The following AXDND1 variants were observed in gnomAD, a reference collection of about 807,000 sequenced individuals.
AXDND1 encodes the protein axonemal dynein light chain domain containing 1.
In AXDND1, 110 loss-of-function variants were observed where a neutral mutation model predicts 137.5. The ratio of observed to expected loss-of-function variants is 0.80; its 90% CI spans 0.69 to 0.94. The LOEUF is 0.94. AXDND1 is among the 40% of genes least tolerant of loss of function. AXDND1 has a pLI of 0.00. For synonymous variants in AXDND1, 414 were observed against 399.7 expected, an observed-to-expected ratio of 1.04 and a Z score of -0.43; for missense variants, 1,191 against 1,169.8, an observed-to-expected ratio of 1.02 and a Z score of -0.26.
intron 12 of AXDND1, among the ~76,000 whole-genome samples, chr1:179,413,109 T>A (rs896227793): frequency 6.6e-6 from 1 of 152,114 alleles, no homozygotes; most frequent in Non-Finnish European, 1.5e-5. Flanking sequence ...ACAATTGATA[T>A]ACAAAAAAAA....
intron 23 of AXDND1, 106 bp from the exon 24 acceptor site, chr1:179,533,689 G>A (rs1260939421): frequency 1.3e-6 from 1 of 757,668 alleles, no homozygotes; most frequent in Non-Finnish European, 2.2e-6. Flanking sequence ...GATATGGGTA[G>A]TAGACAAAGA....
At chr1:179,476,553 TC>T (rs2125513433) in intron 17 of AXDND1, among the ~76,000 whole-genome samples, 1 of 105,552 alleles carries the variant, frequency 9.5e-6, no homozygotes, top group Admixed American at 1.1e-4. Flanking sequence ...AACAAATTCT[TC>T]GGTTTTTTTT....
At chr1:179,506,494 G>A (rs1428959946) in intron 20 of AXDND1, among the ~76,000 whole-genome samples, 2 of 152,264 alleles carry the variant, frequency 1.3e-5, no homozygotes, top group South Asian at 2.1e-4. Flanking sequence ...GACTTTGCGA[G>A]GCTGAGGCAA....
chr1:179,542,136 A>T (rs1227536180), intron 25 of AXDND1, among the ~76,000 whole-genome samples: 3 of 152,094 alleles, frequency 2.0e-5, no homozygotes, highest in African/African-American at 7.2e-5. Context: ...TTATAGGGAG[A>T]GGAATTTAAT....
In AXDND1 at chr1:179,551,212, C is replaced by T. The variant is rs751795698; in HGVS notation, c.3032-3300C>T. ...AGTCTTTCTTTTTAGGATTTAGTGG[C>T]TCAACAGGTTTGGAAGGACTTGGGA... On this transcript the variant is annotated intron_variant, in intron 25 of 25. Transcript: ENST00000367618. 85 of 1,613,984 alleles carry T rather than the reference C, an allele frequency of 5.3e-5. No homozygotes were observed. Among genetic ancestry groups the T allele is most frequent in the Non-Finnish European group, 6.9e-5 (82 of 1,180,026 alleles).
chr1:179,541,075 A>G (rs1478062426), intron 25 of AXDND1, among the ~76,000 whole-genome samples: 1 of 152,216 alleles, frequency 6.6e-6, no homozygotes, highest in Non-Finnish European at 1.5e-5. Flanking sequence ...CCCTAGCAGC[A>G]AGAATTTCAA....
At chr1:179,554,396 T>G (rs1051435410) in intron 25 of AXDND1, 116 bp from the exon 26 acceptor site, 1 of 1,572,834 alleles carries the variant, frequency 6.4e-7, no homozygotes, top group East Asian at 2.2e-5. Context: ...GTGAAAATAA[T>G]TTTTCAAATG....
chr1:179,514,820 C>G (rs1310014736), intron 21 of AXDND1, among the ~76,000 whole-genome samples: 1 of 152,082 alleles, frequency 6.6e-6, no homozygotes, highest in Non-Finnish European at 1.5e-5. Context: ...ATATAATGTC[C>G]CTCTTTGTCT....
At position 179,444,956 on chromosome 1, in the gene AXDND1, C is replaced by A. The variant is rs1364755003; in HGVS notation, c.1564-14C>A. ...GGATAATATGCTACTCTCCCTCTTCCTTTCACTCTTTAGATCCTGAATGAG... is the reference window on the plus strand; with the variant it reads ...GGATAATATGCTACTCTCCCTCTTCATTTCACTCTTTAGATCCTGAATGAG... On this transcript the variant is annotated splice_polypyrimidine_tract_variant and intron_variant, in intron 15 of 25. Transcript: ENST00000367618. The A allele has an allele frequency of 6.4e-7, 1 of 1,556,416 alleles. No individual in the cohort carries two copies. The highest frequency in any genetic ancestry group is 8.8e-7 in the Non-Finnish European group (1 of 1,130,106).
chr1:179,511,818 G>A (rs945990847), intron 21 of AXDND1, among the ~76,000 whole-genome samples: 1 of 152,010 alleles, frequency 6.6e-6, no homozygotes, highest in Non-Finnish European at 1.5e-5. Context: ...CATTAGTGAG[G>A]CTGAGCTTTT....
intron 25 of AXDND1, chr1:179,551,066 C>T: frequency 7.1e-7 from 1 of 1,407,302 alleles, no homozygotes; most frequent in South Asian, 1.2e-5. Context: ...ATGGCCATTC[C>T]ATATGGCAAC....
chr1:179,401,424 C>T lies in AXDND1; in HGVS notation c.1109+6222C>T, dbSNP rs114191320. On this transcript the variant is annotated intron_variant, in intron 11 of 25. Transcript: ENST00000367618. ...ACACACATTACATCTTGTTTTATAT[C>T]TCTTTTAATACAGCCTATTCCTGTG... 8.7e-3 allele frequency among the ~76,000 whole-genome samples: 1,322 copies of T among 152,214 alleles called. 14 individuals are homozygous for T. The highest frequency in any genetic ancestry group is 0.014 in the Non-Finnish European group (982 of 68,016).
chr1:179,532,333 T>C (rs1671113822), intron 23 of AXDND1, among the ~76,000 whole-genome samples: 1 of 152,216 alleles, frequency 6.6e-6, no homozygotes, highest in Non-Finnish European at 1.5e-5. Flanking sequence ...ATTCTACTGA[T>C]AGTTTTAGTT....
chr1:179,548,243 A>G (rs1467669265), intron 25 of AXDND1, among the ~76,000 whole-genome samples: 1 of 152,238 alleles, frequency 6.6e-6, no homozygotes, highest in Non-Finnish European at 1.5e-5. Context: ...TAAAACCAGA[A>G]TAATAGTAAT....
At chr1:179,550,473 A>G (rs3767841) in intron 25 of AXDND1, 42,565 of 151,764 alleles carry the variant, frequency 0.28, 6,301 homozygotes, top group East Asian at 0.49. Context: ...TTTAAGCCAC[A>G]TGTGTCAGAT....
intron 12 of AXDND1, among the ~76,000 whole-genome samples, chr1:179,411,549 A>G (rs1388572483): frequency 6.6e-6 from 1 of 152,142 alleles, no homozygotes; most frequent in African/African-American, 2.4e-5. Context: ...AGACTCAAAA[A>G]AATGAGGATG....
At chr1:179,437,067 C>G (rs1329970089) in intron 15 of AXDND1, among the ~76,000 whole-genome samples, 1 of 111,736 alleles carries the variant, frequency 8.9e-6, no homozygotes, top group Admixed American at 9.9e-5. Flanking sequence ...GAGACACTCA[C>G]TGAAAAAAAA....
At chr1:179,488,069 A>G (rs1572046529) in intron 18 of AXDND1, among the ~76,000 whole-genome samples, 3 of 139,588 alleles carry the variant, frequency 2.1e-5, no homozygotes, top group Non-Finnish European at 3.0e-5. Flanking sequence ...TAAATTAACT[A>G]GTAATTTTTT....
At position 179,489,723 on chromosome 1, in the gene AXDND1, G is replaced by T. The variant is rs567985676; in HGVS notation, c.2092-1815G>T. The stretch of plus-strand genomic sequence containing the variant: ...GAAGCAGGAAGTTTGGGTTTTTATT[G>T]GATAGGCTACTACTTTTCTTTTTTT... On this transcript the variant is annotated intron_variant, in intron 18 of 25. Coordinates refer to ENST00000367618, the MANE Select transcript of AXDND1 (RefSeq NM_144696.6). Among the ~76,000 whole-genome samples the T allele has an allele frequency of 1.5e-4, 23 of 148,764 alleles. No individual in the cohort carries two copies. In the South Asian group the frequency reaches 4.9e-3, roughly 32 times the overall value.
Sources: gnomAD v4.1 joint callset for allele counts (sites outside exome capture counted in the v4.1 genomes callset) on GRCh38, gnomAD v4.1.1 for gene constraint, MANE v1.5 for transcripts, NCBI Gene and HGNC (gene_info 2026-07-23, HGNC 2026-07-21) for gene names.